AADAT: variants seen among roughly 807,000 people sequenced by gnomAD.
The protein encoded by AADAT is aminoadipate aminotransferase, also known as kynurenine/alpha-aminoadipate aminotransferase, mitochondrial.
Under a neutral mutation model 56.2 loss-of-function variants are expected in AADAT, and 25 were observed. The ratio of observed to expected loss-of-function variants is 0.44; its 90% CI spans 0.32 to 0.62. The LOEUF (loss-of-function observed/expected upper bound fraction) is 0.62, where lower values mean the gene tolerates loss of function less well. Ranked by LOEUF, AADAT falls within the 20% of genes least tolerant of loss-of-function variation. AADAT has a pLI of 0.04. For missense variants in AADAT, 387 were observed against 510.5 expected (o/e 0.76, Z 2.33); for synonymous variants, 173 against 164.7 (o/e 1.05, Z -0.39).
intron 3 of AADAT, among the ~76,000 whole-genome samples, chr4:170,084,670 T>C (rs901144410): frequency 6.6e-6 from 1 of 152,174 alleles, no homozygotes; most frequent in Admixed American, 6.5e-5. Flanking sequence ...CCATTATCAA[T>C]TGAGATAGAA....
In AADAT at chr4:170,078,497, A is replaced by T; in HGVS notation, c.444+12T>A. On this transcript the variant is annotated intron_variant, in intron 4 of 12. Transcript: ENST00000337664. ...TACAAGAGAGTTGCCTTTAGTAAAA[A>T]TGTATACTCACACTTTGAAGAGTTC... is the stretch of plus-strand genomic sequence containing the variant. 2 of 1,569,240 alleles carry T rather than the reference A, an allele frequency of 1.3e-6. No homozygotes were observed. Among genetic ancestry groups the T allele is most frequent in the Non-Finnish European group, 1.7e-6 (2 of 1,146,584 alleles).
Position 170,066,407 on chromosome 4 carries a change from C to T in AADAT, c.1027+7G>A. 6.2e-7 allele frequency: 1 copy of T among 1,612,510 alleles called. No homozygotes were observed. The highest frequency in any genetic ancestry group is 2.2e-5 in the East Asian group (1 of 44,836). ...TTATCATGAGGACGAATATACGTTC[C>T]ACTCACCAGTTAACCACTTGTCTGC... On this transcript the variant is annotated splice_region_variant and intron_variant, in intron 10 of 12. Transcript: ENST00000337664.
chr4:170,072,839 C>A (rs1307042548), intron 5 of AADAT, among the ~76,000 whole-genome samples: 1 of 152,014 alleles, frequency 6.6e-6, no homozygotes, highest in East Asian at 1.9e-4. Flanking sequence ...TAATGGAAAT[C>A]AAACTTGGGA....
chr4:170,060,976 C>CA lies in AADAT; in HGVS notation c.1237-8dup. 6.8e-7 allele frequency: 1 copy of CA among 1,472,434 alleles called. No homozygotes were observed. The highest frequency in any genetic ancestry group is 9.1e-7 in the Non-Finnish European group (1 of 1,101,970). The allele number at this position is 1,472,434 out of a possible 1,614,324, so 91.2% of individuals were successfully genotyped here. A position where few individuals can be genotyped will look rare whatever the true frequency, so the allele number is the denominator to read the frequency against. ...GTGCTAATACCTGGAAGGCCTAAAA[C>CA]AGAAAAAAAAAATTAGAATTAATTA... is the stretch of plus-strand genomic sequence containing the variant. On this transcript the variant is annotated splice_region_variant and splice_polypyrimidine_tract_variant and intron_variant, in intron 12 of 12. Transcript: ENST00000337664.
chr4:170,065,565 A>G (rs1449727932), intron 10 of AADAT, among the ~76,000 whole-genome samples: 1 of 150,970 alleles, frequency 6.6e-6, no homozygotes, highest in African/African-American at 2.4e-5. Context: ...CAATGGCATG[A>G]TCTTGGCTCA....
upstream of AADAT, among the ~76,000 whole-genome samples, chr4:170,094,246 A>G (rs1337824860): frequency 6.6e-6 from 1 of 152,222 alleles, no homozygotes; most frequent in Non-Finnish European, 1.5e-5. Flanking sequence ...TGGGGAAGGG[A>G]CAAGCAAGGG....
chr4:170,089,370 A>G, intron 1 of AADAT: 1 of 590,824 alleles, frequency 1.7e-6, no homozygotes, highest in Non-Finnish European at 3.0e-6. Flanking sequence ...GCCGTGCCCC[A>G]CAGCAGTCTG....
Position 170,073,198 on chromosome 4 carries a change from G to T in AADAT, c.592C>A (p.Pro198Thr). 1 of 1,614,100 alleles carries T rather than the reference G, an allele frequency of 6.2e-7. No individual in the cohort carries two copies. The highest frequency in any genetic ancestry group is 8.5e-7 in the Non-Finnish European group (1 of 1,180,020). The change falls in exon 5 of 13, where the codon CCA becomes ACA. Residue 198 changes from proline (P) to threonine (T), a missense_variant. Pro to Thr is a conservative substitution (Grantham distance 38, BLOSUM62 -1). Transcript: ENST00000337664. ...TTTCCAGTAGGGTTGTTGCCATTTGGAACAGTATAAAGAAATTTGGGGGTG... is the reference window on the plus strand; with the variant it reads ...TTTCCAGTAGGGTTGTTGCCATTTGTAACAGTATAAAGAAATTTGGGGGTG... ...KNTPKFLYTV[P>T]NGNNPTGNSL...
At chr4:170,072,877 T>C (rs1235901336) in intron 5 of AADAT, among the ~76,000 whole-genome samples, 1 of 152,106 alleles carries the variant, frequency 6.6e-6, no homozygotes, top group East Asian at 1.9e-4. Flanking sequence ...TCAAAAAATT[T>C]AACATCAGGC....
At chr4:170,078,480 A>AAGTTGTAGTAAAAAT (rs1732144427) in intron 4 of AADAT, 29 bp downstream of exon 4, 1 of 1,381,138 alleles carries the variant, frequency 7.2e-7, no homozygotes, top group Non-Finnish European at 1.0e-6. Context: ...ACTACAAGAG[A>AAGTTGTAGTAAAAAT]GTTGCCTTTA....
chr4:170,087,914 A>C (rs1732639906), intron 2 of AADAT, among the ~76,000 whole-genome samples: 1 of 151,478 alleles, frequency 6.6e-6, no homozygotes, highest in African/African-American at 2.4e-5. Flanking sequence ...GACTATATTC[A>C]ATGTATTTGC....
At chr4:170,082,711 C>G (rs1290251063) in intron 3 of AADAT, among the ~76,000 whole-genome samples, 1 of 152,024 alleles carries the variant, frequency 6.6e-6, no homozygotes, top group East Asian at 1.9e-4. Context: ...TAAAGACACA[C>G]AGTCTGAAAA....
rs189225143 is a variant in AADAT, at chr4:170,073,565, C to T, written c.445-220G>A. Among the ~76,000 whole-genome samples the T allele has an allele frequency of 1.1e-4, 16 of 150,964 alleles. No homozygotes were observed. The East Asian group carries it at 1.8e-3, about 17-fold the overall frequency. ...TGTCACCCAGGCTGGAGTGCAATGG[C>T]GTGATCTTGGCTCACTGCAACCTCC... On this transcript the variant is annotated intron_variant, in intron 4 of 12. Transcript: ENST00000337664.
chr4:170,073,271 G>A lies in AADAT; in HGVS notation c.519C>T (p.Asp173=). Residue 173 remains aspartate (D), a synonymous_variant, in exon 5 of 13, where the codon GAC becomes GAT. Coordinates refer to ENST00000337664, the MANE Select transcript of AADAT (RefSeq NM_016228.4). The part of the protein sequence containing the change: ...ESGIVPDSLR[D]ILSRWKPEDA... ...CTTCTGGTTTCCATCTGGAAAGTAT[G>A]TCTCTTAGGGAATCTGGAACAATCC... 1 of 1,614,096 alleles carries A rather than the reference G, an allele frequency of 6.2e-7. No individual in the cohort carries two copies. Among genetic ancestry groups the A allele is most frequent in the Non-Finnish European group, 8.5e-7 (1 of 1,180,022 alleles).
chr4:170,090,819 T>TA (rs1315127161), upstream of AADAT, among the ~76,000 whole-genome samples: 2 of 152,182 alleles, frequency 1.3e-5, no homozygotes, highest in Admixed American at 6.5e-5. Context: ...TCTTTGACTT[T>TA]AAAAAATTCT....
At chr4:170,080,590 C>T (rs1732251289) in intron 3 of AADAT, among the ~76,000 whole-genome samples, 1 of 152,166 alleles carries the variant, frequency 6.6e-6, no homozygotes, top group Non-Finnish European at 1.5e-5. Flanking sequence ...AGTGACTGTT[C>T]AGCAGCACCA....
At chr4:170,091,398 A>C (rs1193187573), upstream of AADAT, among the ~76,000 whole-genome samples, 2 of 152,158 alleles carry the variant, frequency 1.3e-5, no homozygotes, top group African/African-American at 4.8e-5. Flanking sequence ...GGGTGTGCCC[A>C]GTCTCCCAGC....
chr4:170,089,667 C>G lies in AADAT; in HGVS notation c.24G>C (p.Thr8=). Residue 8 remains threonine (T), a synonymous_variant, in exon 1 of 13, where the codon ACG becomes ACC. Coordinates refer to ENST00000337664, the MANE Select transcript of AADAT (RefSeq NM_016228.4). The stretch of plus-strand genomic sequence containing the variant: ...AAGGGTTTCTGGCTGCGCTCGCTGC[C>G]GTGATGAACCGTGCGTAATTCATGT... MNYARFI[T]AASAARNPSP... is the part of the protein sequence containing the mutation. 2 of 1,614,134 alleles carry G rather than the reference C, an allele frequency of 1.2e-6. No individual in the cohort carries two copies. The highest frequency in any genetic ancestry group is 1.3e-5 in the African/African-American group (1 of 75,038).
intron 10 of AADAT, among the ~76,000 whole-genome samples, chr4:170,065,351 T>C (rs1225216126): frequency 2.0e-5 from 3 of 152,190 alleles, no homozygotes; most frequent in African/African-American, 7.2e-5. Flanking sequence ...TTACGTTTCA[T>C]TGAGTATTAG....
Sources: allele counts gnomAD v4.1 joint callset (sites outside exome capture counted in the v4.1 genomes callset), GRCh38; gene constraint gnomAD v4.1.1; transcripts MANE v1.5; gene names NCBI Gene and HGNC (gene_info 2026-07-23, HGNC 2026-07-21).